LRP1B: variants seen among roughly 807,000 people sequenced by gnomAD.
LRP1B encodes the protein low-density lipoprotein receptor-related protein 1B.
LRP1B carries 217 observed loss-of-function variants against 556.6 expected under a neutral mutation model. The ratio of observed to expected loss-of-function variants is 0.39; its 90% CI spans 0.35 to 0.44. LRP1B has a LOEUF of 0.44. LRP1B is among the 20% of genes least tolerant of loss of function. LRP1B has a pLI of 1.00. For missense variants in LRP1B, 5,053 were observed against 5,620.8 expected, an observed-to-expected ratio of 0.90 and a Z score of 3.23; for synonymous variants, 2,047 against 1,865.8, an observed-to-expected ratio of 1.10 and a Z score of -2.50.
intron 66 of LRP1B, among the ~76,000 whole-genome samples, chr2:140,418,658 G>T (rs145617719): frequency 2.6e-5 from 4 of 151,510 alleles, no homozygotes; most frequent in African/African-American, 4.8e-5. Flanking sequence ...TTTGGGGGTC[G>T]GTGTTTCCCA....
intron 2 of LRP1B, among the ~76,000 whole-genome samples, chr2:141,552,967 A>G (rs889649772): frequency 1.3e-5 from 2 of 151,990 alleles, no homozygotes; most frequent in Non-Finnish European, 2.9e-5. Context: ...GAGTAAGTTA[A>G]GTATGTAGAA....
intron 1 of LRP1B, among the ~76,000 whole-genome samples, chr2:141,857,409 T>A (rs746166224): frequency 2.0e-5 from 3 of 151,994 alleles, no homozygotes; most frequent in Non-Finnish European, 4.4e-5. Context: ...GGCATAATCA[T>A]GGCTCAATGC....
At chr2:140,497,134 T>C (rs1688980040) in intron 55 of LRP1B, among the ~76,000 whole-genome samples, 1 of 151,922 alleles carries the variant, frequency 6.6e-6, no homozygotes, top group Non-Finnish European at 1.5e-5. Context: ...AAATCATTAT[T>C]TTTCCCAATT....
At chr2:140,765,064 A>G (rs1198919775) in intron 35 of LRP1B, among the ~76,000 whole-genome samples, 2 of 152,000 alleles carry the variant, frequency 1.3e-5, no homozygotes, top group Non-Finnish European at 2.9e-5. Context: ...CCTGGCCTCA[A>G]GTGATCTTGC....
intron 1 of LRP1B, among the ~76,000 whole-genome samples, chr2:142,034,866 A>C (rs1703825784): frequency 6.6e-6 from 1 of 151,762 alleles, no homozygotes; most frequent in Non-Finnish European, 1.5e-5. Flanking sequence ...AATAATTTTT[A>C]CTGAATTAAA....
chr2:140,874,863 A>T (rs1387554228), intron 25 of LRP1B, among the ~76,000 whole-genome samples: 1 of 151,420 alleles, frequency 6.6e-6, no homozygotes, highest in African/African-American at 2.4e-5. Context: ...TACTAAAAAT[A>T]AAAAAAATAG....
At chr2:141,439,790 A>G (rs560088347) in intron 3 of LRP1B, among the ~76,000 whole-genome samples, 3 of 152,246 alleles carry the variant, frequency 2.0e-5, no homozygotes, top group Non-Finnish European at 4.4e-5. Context: ...TATTGAAAAT[A>G]ATCCACATAG....
At chr2:141,764,695 A>AT (rs11452954) in intron 2 of LRP1B, among the ~76,000 whole-genome samples, 112,388 of 150,972 alleles carry the variant, frequency 0.74, 42,078 homozygotes, top group Non-Finnish European at 0.79. Context: ...AGTCTATGGA[A>AT]TTTTTTTTTA....
In LRP1B at chr2:140,716,562, C is replaced by T. The variant is rs137951072; in HGVS notation, c.5893+120G>A. On this transcript the variant is annotated intron_variant, in intron 36 of 90. Coordinates refer to ENST00000389484, the MANE Select transcript of LRP1B (RefSeq NM_018557.3). ...CCAAAAGCAAAAGAGACTATTTACCCCTGTGGCTAGAAGTACAAATAAAAG... is the reference window on the plus strand; with the variant it reads ...CCAAAAGCAAAAGAGACTATTTACCTCTGTGGCTAGAAGTACAAATAAAAG... The T allele has an allele frequency of 2.4e-4, 233 of 971,292 alleles. No individual in the cohort carries two copies. The African/African-American group carries it at 3.7e-3, about 15-fold the overall frequency. The allele number at this position is 971,292 out of a possible 1,614,324, so 60.2% of individuals were successfully genotyped here. A position where few individuals can be genotyped will look rare whatever the true frequency, so the allele number is the denominator to read the frequency against.
intron 2 of LRP1B, among the ~76,000 whole-genome samples, chr2:141,695,275 G>C (rs1002747941): frequency 6.6e-6 from 1 of 151,854 alleles, no homozygotes; most frequent in African/African-American, 2.4e-5. Flanking sequence ...ATGCCTCCTG[G>C]GGCAAATTTA....
chr2:141,526,683 A>G (rs1382237115), intron 2 of LRP1B, among the ~76,000 whole-genome samples: 10 of 152,038 alleles, frequency 6.6e-5, no homozygotes, highest in Admixed American at 6.6e-4. Flanking sequence ...TAAACCTACT[A>G]GGAGTATTTT....
At chr2:140,423,305 A>G (rs931116706) in intron 66 of LRP1B, among the ~76,000 whole-genome samples, 1 of 152,176 alleles carries the variant, frequency 6.6e-6, no homozygotes, top group East Asian at 1.9e-4. Context: ...CTCCCCCACA[A>G]AAAATCTGGA....
At chr2:140,279,465 C>T (rs1306349116) in intron 84 of LRP1B, among the ~76,000 whole-genome samples, 1 of 151,862 alleles carries the variant, frequency 6.6e-6, no homozygotes, top group African/African-American at 2.4e-5. Flanking sequence ...TCTCTCACTC[C>T]CTTCACATCT....
chr2:140,573,375 TA>T (rs1681402996), intron 43 of LRP1B, among the ~76,000 whole-genome samples: 1 of 151,896 alleles, frequency 6.6e-6, no homozygotes, highest in African/African-American at 2.4e-5. Flanking sequence ...TCATTATAAC[TA>T]AAAGAATTAC....
intron 20 of LRP1B, among the ~76,000 whole-genome samples, chr2:140,934,077 C>T (rs115222770): frequency 0.047 from 7,174 of 151,540 alleles, 191 homozygotes; most frequent in Non-Finnish European, 0.053. Flanking sequence ...TAAAGTTGAG[C>T]CAGACAGTTT....
chr2:142,010,026 A>G lies in LRP1B; in HGVS notation c.82+120622T>C, dbSNP rs868098545. Among the ~76,000 whole-genome samples the G allele has an allele frequency of 3.9e-5, 6 of 152,246 alleles. No homozygotes were observed. In the Middle Eastern group the frequency reaches 0.01, roughly 259 times the overall value. On this transcript the variant is annotated intron_variant, in intron 1 of 90. Transcript: ENST00000389484. Reference sequence around the variant, plus strand: ...TATAGGTATAGATATAGATATAATCATATAGGTTGTATAGCATTTCCAAGG... The same window carrying G: ...TATAGGTATAGATATAGATATAATCGTATAGGTTGTATAGCATTTCCAAGG...
rs796912026 is a variant in LRP1B at position 141,986,351 on chromosome 2, A to C, written c.82+144297T>G. Among the ~76,000 whole-genome samples the C allele has an allele frequency of 3.9e-5, 6 of 152,104 alleles. No homozygotes were observed. In the South Asian group the frequency reaches 6.2e-4, roughly 16 times the overall value. On this transcript the variant is annotated intron_variant, in intron 1 of 90. Coordinates refer to ENST00000389484, the MANE Select transcript of LRP1B (RefSeq NM_018557.3). ...ACATACAAATGACTAAGAAATACCTATAACTCATATCTGAATGGCCAATGT... is the reference window on the plus strand; with the variant it reads ...ACATACAAATGACTAAGAAATACCTCTAACTCATATCTGAATGGCCAATGT...
intron 41 of LRP1B, among the ~76,000 whole-genome samples, chr2:140,618,880 T>A (rs1683350054): frequency 6.6e-6 from 1 of 152,032 alleles, no homozygotes; most frequent in African/African-American, 2.4e-5. Flanking sequence ...GAAGAAGGTA[T>A]AATAATGTGG....
intron 3 of LRP1B, among the ~76,000 whole-genome samples, chr2:141,280,580 A>G (rs984725986): frequency 6.6e-6 from 1 of 151,946 alleles, no homozygotes; most frequent in African/African-American, 2.4e-5. Flanking sequence ...CTAGATTTAT[A>G]TAGTCTTATT....
Sources: gnomAD v4.1 joint callset for allele counts (sites outside exome capture counted in the v4.1 genomes callset) on GRCh38, gnomAD v4.1.1 for gene constraint, MANE v1.5 for transcripts, NCBI Gene and HGNC (gene_info 2026-07-23, HGNC 2026-07-21) for gene names.